The following LDB2 variants were observed in gnomAD, a reference collection of about 807,000 sequenced individuals.
LDB2 encodes LIM domain-binding protein 2.
In LDB2, 12 loss-of-function variants were observed where a neutral mutation model predicts 44.3. The ratio of observed to expected loss-of-function variants is 0.27; its 90% confidence interval spans 0.17 to 0.44. LDB2 has a LOEUF of 0.44. Among genes scored for constraint, LDB2 ranks in the 20% least tolerant of loss-of-function variants. The pLI, the probability that LDB2 is intolerant of heterozygous loss-of-function variation, is 1.00. For missense variants in LDB2, 344 were observed against 473.5 expected (o/e 0.73, Z 2.54); for synonymous variants, 164 against 174.8 (o/e 0.94, Z 0.49).
intron 7 of LDB2, among the ~76,000 whole-genome samples, chr4:16,505,126 A>ACAAT (rs1197205148): frequency 6.6e-6 from 1 of 152,230 alleles, no homozygotes; most frequent in East Asian, 1.9e-4. Flanking sequence ...TTAGAAAACA[A>ACAAT]CAATCATTGA....
Position 16,865,761 on chromosome 4 carries a change from G to A in LDB2, c.132+32593C>T, listed in dbSNP as rs182348308. ...TGACTTTGGAGAAACAAAGAGAAGGGGCATTCATCTGAGAGAGCTCAGGAA... is the reference window on the plus strand; with the variant it reads ...TGACTTTGGAGAAACAAAGAGAAGGAGCATTCATCTGAGAGAGCTCAGGAA... On this transcript the variant is annotated intron_variant, in intron 1 of 7. Coordinates refer to ENST00000304523, the MANE Select transcript of LDB2 (RefSeq NM_001290.5). Among the ~76,000 whole-genome samples the A allele has an allele frequency of 2.5e-3, 379 of 152,284 alleles. 1 individual carries two copies. Among genetic ancestry groups the A allele is most frequent in the African/African-American group, 8.9e-3 (368 of 41,556 alleles).
chr4:16,897,415 A>C (rs1376633862), intron 1 of LDB2, among the ~76,000 whole-genome samples: 1 of 152,210 alleles, frequency 6.6e-6, no homozygotes, highest in African/African-American at 2.4e-5. Context: ...ACTTACAGGC[A>C]GATGGACAAT....
At chr4:16,814,019 C>A (rs1428591481) in intron 1 of LDB2, among the ~76,000 whole-genome samples, 1 of 151,910 alleles carries the variant, frequency 6.6e-6, no homozygotes, top group Admixed American at 6.6e-5. Context: ...CTACAGGCGC[C>A]CACCACCACG....
At chr4:16,785,427 A>G (rs1298305202) in intron 1 of LDB2, among the ~76,000 whole-genome samples, 1 of 152,144 alleles carries the variant, frequency 6.6e-6, no homozygotes, top group Admixed American at 6.5e-5. Flanking sequence ...TGAGAAACAC[A>G]AGGCTTCATG....
chr4:16,561,101 A>G (rs563469700), intron 5 of LDB2, among the ~76,000 whole-genome samples: 143 of 152,300 alleles, frequency 9.4e-4, no homozygotes, highest in African/African-American at 3.1e-3. Context: ...ACAAACCCAC[A>G]GCCAATATCA....
At position 16,510,152 on chromosome 4, in the gene LDB2, A is replaced by G. The variant is rs188874101; in HGVS notation, c.740-1466T>C. 3.3e-5 allele frequency among the ~76,000 whole-genome samples: 5 copies of G among 152,294 alleles called. No individual in the cohort carries two copies. In the East Asian group the frequency reaches 9.6e-4, roughly 29 times the overall value. On this transcript the variant is annotated intron_variant, in intron 6 of 7. Coordinates refer to ENST00000304523, the MANE Select transcript of LDB2 (RefSeq NM_001290.5). ...AGCAAGACAAAATCACACCAAAAAA[A>G]CACCTATGCCACTTCTGGTGGACAA...
chr4:16,773,500 C>A (rs558234514), intron 1 of LDB2, among the ~76,000 whole-genome samples: 1 of 152,214 alleles, frequency 6.6e-6, no homozygotes, highest in East Asian at 1.9e-4. Flanking sequence ...CGTGCAACCT[C>A]GATCCCTCGC....
At chr4:16,513,435 C>T (rs558281979) in intron 5 of LDB2, among the ~76,000 whole-genome samples, 37 of 152,330 alleles carry the variant, frequency 2.4e-4, no homozygotes, top group African/African-American at 8.4e-4. Flanking sequence ...CTAAGTCTGC[C>T]TTTACCACTA....
chr4:16,643,325 T>C (rs1190211455), intron 2 of LDB2, among the ~76,000 whole-genome samples: 1 of 152,180 alleles, frequency 6.6e-6, no homozygotes, highest in East Asian at 1.9e-4. Context: ...CAAAAAGCAA[T>C]ATAACTGCTC....
intron 1 of LDB2, among the ~76,000 whole-genome samples, chr4:16,760,995 T>C (rs563351849): frequency 6.6e-6 from 1 of 151,926 alleles, no homozygotes; most frequent in East Asian, 1.9e-4. Context: ...AATCCACTTC[T>C]TCTGTGTGTG....
At chr4:16,561,579 A>C (rs1742288094) in intron 5 of LDB2, among the ~76,000 whole-genome samples, 2 of 152,208 alleles carry the variant, frequency 1.3e-5, no homozygotes, top group African/African-American at 4.8e-5. Context: ...GGATACAAAC[A>C]AATGGAAGAA....
At position 16,748,657 on chromosome 4, in the gene LDB2, T is replaced by C. The variant is rs183705366; in HGVS notation, c.235+10501A>G. 1.7e-4 allele frequency among the ~76,000 whole-genome samples: 26 copies of C among 152,316 alleles called. No homozygotes were observed. The East Asian group carries it at 4.6e-3, about 27-fold the overall frequency. The stretch of plus-strand genomic sequence containing the variant: ...GAAGATTAAGCTACACATTGGATTG[T>C]AGGGGAGGATACCTGGATTTGGCTC... On this transcript the variant is annotated intron_variant, in intron 2 of 7. Transcript: ENST00000304523.
intron 2 of LDB2, among the ~76,000 whole-genome samples, chr4:16,647,158 CT>C (rs1578453593): frequency 6.6e-6 from 1 of 152,104 alleles, no homozygotes; most frequent in African/African-American, 2.4e-5. Context: ...TATAGTACAA[CT>C]TGGAGGAAAC....
intron 1 of LDB2, among the ~76,000 whole-genome samples, chr4:16,799,535 C>G (rs900101439): frequency 2.0e-5 from 3 of 152,234 alleles, no homozygotes; most frequent in African/African-American, 7.2e-5. Context: ...CCTTTCCTTT[C>G]CTTCAGGAAC....
At chr4:16,717,436 A>G (rs948215578) in intron 2 of LDB2, among the ~76,000 whole-genome samples, 1 of 152,118 alleles carries the variant, frequency 6.6e-6, no homozygotes, top group Non-Finnish European at 1.5e-5. Flanking sequence ...TGCATTCCAG[A>G]AAAGTCGTGG....
intron 2 of LDB2, among the ~76,000 whole-genome samples, chr4:16,755,627 A>G (rs1766470271): frequency 1.3e-5 from 2 of 151,764 alleles, no homozygotes; most frequent in Non-Finnish European, 2.9e-5. Flanking sequence ...GCACCCACCT[A>G]ACCTCTCTGG....
chr4:16,738,298 C>A (rs1221621859), intron 2 of LDB2, among the ~76,000 whole-genome samples: 1 of 152,126 alleles, frequency 6.6e-6, no homozygotes, highest in Non-Finnish European at 1.5e-5. Context: ...TCCCCAACAC[C>A]AAAAGGGATT....
intron 5 of LDB2, among the ~76,000 whole-genome samples, chr4:16,536,121 T>C (rs1291464241): frequency 6.6e-6 from 1 of 152,188 alleles, no homozygotes; most frequent in Non-Finnish European, 1.5e-5. Context: ...CCCTACAGGA[T>C]GGTCGGCCCT....
intron 2 of LDB2, among the ~76,000 whole-genome samples, chr4:16,642,535 CAA>C (rs991938797): frequency 6.6e-6 from 1 of 152,020 alleles, no homozygotes; most frequent in Non-Finnish European, 1.5e-5. Context: ...GAAAATCTCA[CAA>C]AAAAGCATGA....
Sources: allele counts gnomAD v4.1 joint callset (sites outside exome capture counted in the v4.1 genomes callset), GRCh38; gene constraint gnomAD v4.1.1; transcripts MANE v1.5; gene names NCBI Gene and HGNC (gene_info 2026-07-23, HGNC 2026-07-21).